Variants in MYH11 observed in about 807,000 individuals in gnomAD.
MYH11 encodes the protein myosin-11.
Under a neutral mutation model 246.6 loss-of-function variants are expected in MYH11, and 80 were observed. The ratio of observed to expected loss-of-function variants is 0.32; its 90% CI spans 0.27 to 0.39. MYH11 has a LOEUF of 0.39. Ranked by LOEUF, MYH11 falls within the 10% of genes least tolerant of loss-of-function variation. The pLI is 1.00. For synonymous variants in MYH11, 1,071 were observed against 1,015.5 expected, an observed-to-expected ratio of 1.05 and a Z score of -1.04; for missense variants, 2,158 against 2,546.8, an observed-to-expected ratio of 0.85 and a Z score of 3.29.
chr16:15,720,338 T>C (rs778033386), intron 33 of MYH11, 26 bp from the exon 34 acceptor site: 2 of 1,606,672 alleles, frequency 1.2e-6, no homozygotes, highest in Non-Finnish European at 1.7e-6. Flanking sequence ...AGATGTGTGC[T>C]GCCCCACTTG....
chr16:15,820,741 G>GA (rs1015768305), intron 3 of MYH11, among the ~76,000 whole-genome samples: 1 of 152,014 alleles, frequency 6.6e-6, no homozygotes, highest in Non-Finnish European at 1.5e-5. Flanking sequence ...AAAAGTTACA[G>GA]AAAAAAACCC....
chr16:15,735,484 C>T lies in MYH11; in HGVS notation c.3388G>A (p.Glu1130Lys). The T allele has an allele frequency of 6.2e-7, 1 of 1,614,146 alleles. No homozygotes were observed. The highest frequency in any genetic ancestry group is 8.5e-7 in the Non-Finnish European group (1 of 1,180,040). Reference protein sequence around the residue: ...ISDLQEDLDSERAARNKAEKQ... With the variant: ...ISDLQEDLDSKRAARNKAEKQ... Reference sequence around the variant, plus strand: ...TCAGCCTTGTTCCTGGCGGCCCGCTCTGAGTCCAGGTCCTCCTGGAGGTCT... The same window carrying T: ...TCAGCCTTGTTCCTGGCGGCCCGCTTTGAGTCCAGGTCCTCCTGGAGGTCT... Residue 1130 changes from glutamate to lysine, a missense_variant, in exon 26 of 41, where the codon GAG (glutamate) becomes AAG (lysine). By Grantham distance (56) the Glu-to-Lys change is moderately conservative. Around this residue, in one of 11 missense-constraint regions of MYH11, gnomAD observed 284 missense variants for 315.4 expected, o/e 0.90. Coordinates refer to ENST00000300036, the MANE Select transcript of MYH11 (RefSeq NM_002474.3).
At chr16:15,717,038 A>G (rs1398231871) in intron 38 of MYH11, 102 bp downstream of exon 38, 42 of 1,293,336 alleles carry the variant, frequency 3.2e-5, no homozygotes, top group Non-Finnish European at 4.7e-5. Flanking sequence ...CTTGCTTCTT[A>G]CAAGCCAGAA....
intron 4 of MYH11, chr16:15,792,765 T>C (rs2042641425): frequency 6.6e-6 from 1 of 152,202 alleles, no homozygotes; most frequent in South Asian, 2.1e-4. Context: ...GGTCTCACTG[T>C]GTCACCCAGG....
chr16:15,839,369 G>C (rs999598714), intron 1 of MYH11, among the ~76,000 whole-genome samples: 1 of 152,094 alleles, frequency 6.6e-6, no homozygotes, highest in Non-Finnish European at 1.5e-5. Context: ...CTATTAGGCT[G>C]GTGCAAACGT....
intron 23 of MYH11, among the ~76,000 whole-genome samples, chr16:15,739,042 A>T (rs1410495263): frequency 1.3e-5 from 2 of 151,826 alleles, no homozygotes; most frequent in Non-Finnish European, 1.5e-5. Flanking sequence ...TTTCTGCTTA[A>T]ATGTCACCTC....
chr16:15,850,125 C>G (rs748100096), intron 1 of MYH11, among the ~76,000 whole-genome samples: 3 of 152,214 alleles, frequency 2.0e-5, no homozygotes, highest in Non-Finnish European at 4.4e-5. Flanking sequence ...TGGCTGATGC[C>G]TGTAATCCCA....
intron 26 of MYH11, among the ~76,000 whole-genome samples, 187 bp downstream of exon 26, chr16:15,735,176 CAAA>C (rs34752846): frequency 2.0e-4 from 23 of 116,188 alleles, no homozygotes; most frequent in Non-Finnish European, 1.7e-4. Flanking sequence ...CAGACTGCCT[CAAA>C]AAAAAAAAAA....
chr16:15,830,351 T>C (rs2043700778), intron 2 of MYH11, among the ~76,000 whole-genome samples: 1 of 152,160 alleles, frequency 6.6e-6, no homozygotes, highest in African/African-American at 2.4e-5. Flanking sequence ...AGCCTTGCTT[T>C]TAAGAGCAAA....
intron 3 of MYH11, among the ~76,000 whole-genome samples, chr16:15,815,479 C>G (rs2043241809): frequency 6.6e-6 from 1 of 151,768 alleles, no homozygotes; most frequent in African/African-American, 2.4e-5. Flanking sequence ...CCAGAAAATA[C>G]CATTAAAAAC....
chr16:15,778,773 A>G lies in MYH11; in HGVS notation c.790+7T>C. On this transcript the variant is annotated splice_region_variant and intron_variant, in intron 7 of 40. Transcript: ENST00000300036. The stretch of plus-strand genomic sequence containing the variant: ...ACCCATTTGGCCCAGGCTCAGGGAA[A>G]GGATACAGGTCTCAATGTTGGCTCC... The G allele has an allele frequency of 1.2e-6, 2 of 1,614,082 alleles. No individual in the cohort carries two copies. Among genetic ancestry groups the G allele is most frequent in the Non-Finnish European group, 8.5e-7 (1 of 1,179,960 alleles).
At chr16:15,767,146 T>A (rs894034229) in intron 9 of MYH11, among the ~76,000 whole-genome samples, 1 of 151,884 alleles carries the variant, frequency 6.6e-6, no homozygotes, top group Non-Finnish European at 1.5e-5. Flanking sequence ...GGTAGATGGA[T>A]GGACGGATGG....
At chr16:15,763,978 C>T in intron 9 of MYH11, 87 bp from the exon 10 acceptor site, 7 of 991,104 alleles carry the variant, frequency 7.1e-6, no homozygotes, top group Admixed American at 6.9e-5. Flanking sequence ...ACTGGGGACC[C>T]AGAGCCAGCT....
chr16:15,817,519 A>G (rs377552560), intron 3 of MYH11, among the ~76,000 whole-genome samples: 5 of 152,104 alleles, frequency 3.3e-5, no homozygotes, highest in East Asian at 1.9e-4. Flanking sequence ...TCAAAAAAAA[A>G]GGGGGGGAGA....
intron 40 of MYH11, among the ~76,000 whole-genome samples, chr16:15,710,398 G>A (rs1038127354): frequency 1.3e-5 from 2 of 152,174 alleles, no homozygotes; most frequent in African/African-American, 4.8e-5. Context: ...GCACGCACCT[G>A]TAATCTCAGC....
chr16:15,840,719 G>T (rs1165060650), intron 1 of MYH11, among the ~76,000 whole-genome samples: 1 of 152,076 alleles, frequency 6.6e-6, no homozygotes, highest in African/African-American at 2.4e-5. Context: ...GCCACAGAGC[G>T]AGACCCTGTC....
rs145732819 is a variant in MYH11, at chr16:15,730,563, C to A, written c.3651+2001G>T. Among the ~76,000 whole-genome samples the A allele has an allele frequency of 2.0e-3, 311 of 151,902 alleles. 2 individuals are homozygous for A. Among genetic ancestry groups the A allele is most frequent in the African/African-American group, 6.8e-3 (282 of 41,456 alleles). ...CTGCTCAAAAAATAAACAAATAATC[C>A]AATCTTGGGTATTTCTGTAGAGCAG... On this transcript the variant is annotated intron_variant, in intron 27 of 40. Coordinates refer to ENST00000300036, the MANE Select transcript of MYH11 (RefSeq NM_002474.3).
rs2040995009 is a variant in MYH11 at position 15,732,511 on chromosome 16, G to A, written c.3651+53C>T. 22 of 1,613,134 alleles carry A rather than the reference G, an allele frequency of 1.4e-5. 1 individual carries two copies. The South Asian group carries it at 2.1e-4, about 15-fold the overall frequency. On this transcript the variant is annotated intron_variant, in intron 27 of 40. Transcript: ENST00000300036. ...CCCTGACCTGTAGTAATTTGAGGCT[G>A]CTGATGTCACTCTTATGTGTCATCA...
intron 20 of MYH11, among the ~76,000 whole-genome samples, 158 bp downstream of exon 20, chr16:15,744,971 G>T (rs1251877975): frequency 6.6e-6 from 1 of 152,210 alleles, no homozygotes; most frequent in East Asian, 1.9e-4. Flanking sequence ...AAAGGACAGG[G>T]CCTCCTCGGG....
Sources: gnomAD v4.1 joint callset for allele counts (sites outside exome capture counted in the v4.1 genomes callset) on GRCh38, gnomAD v4.1.1 for gene constraint, gnomAD v4.1.1 regional missense constraint, MANE v1.5 for transcripts, NCBI Gene and HGNC (gene_info 2026-07-23, HGNC 2026-07-21) for gene names.